NECAB2: variants seen among roughly 807,000 people sequenced by gnomAD.
NECAB2 encodes N-terminal EF-hand calcium binding protein 2.
In NECAB2, 68 loss-of-function variants were observed where a neutral mutation model predicts 51.9. That is an observed-to-expected ratio of 1.31 (90% confidence interval 1.08 to 1.60). The LOEUF (loss-of-function observed/expected upper bound fraction) is 1.60. NECAB2 is among the 40% of genes most tolerant of loss of function. The probability of loss-of-function intolerance (pLI) is 0.00; values close to 1 mark genes in which losing one functional copy is unlikely to be tolerated. For missense variants in NECAB2, 854 were observed against 490.3 expected (o/e 1.74, Z -7.00); for synonymous variants, 329 against 203.5 (o/e 1.62, Z -5.25).
At chr16:83,965,451 C>G (rs141102431), upstream of NECAB2, 3 of 1,597,702 alleles carry the variant, frequency 1.9e-6, no homozygotes, top group Admixed American at 1.7e-5. Context: ...ATCATTGGCG[C>G]GGGGCTGTCA....
chr16:83,987,749 T>C (rs2084574030), intron 5 of NECAB2, among the ~76,000 whole-genome samples: 1 of 152,234 alleles, frequency 6.6e-6, no homozygotes, highest in African/African-American at 2.4e-5. Flanking sequence ...AGTTAATACC[T>C]TGTGGCAAAC....
intron 12 of NECAB2, among the ~76,000 whole-genome samples, 181 bp downstream of exon 12, chr16:84,002,097 C>T (rs1490349091): frequency 1.3e-5 from 2 of 152,194 alleles, no homozygotes; most frequent in African/African-American, 4.8e-5. Context: ...GTATGCCTGC[C>T]AGAGCTTGCA....
At chr16:83,997,823 G>T (rs529269728) in intron 9 of NECAB2, among the ~76,000 whole-genome samples, 40 of 152,234 alleles carry the variant, frequency 2.6e-4, no homozygotes, top group African/African-American at 9.1e-4. Flanking sequence ...TCCAAAAAAG[G>T]TTTGGCATAG....
intron 9 of NECAB2, 41 bp downstream of exon 9, chr16:83,997,310 A>C (rs1322095327): frequency 3.1e-6 from 5 of 1,612,856 alleles, no homozygotes; most frequent in Non-Finnish European, 4.2e-6. Flanking sequence ...CCACATCCCT[A>C]CCCATGCCAG....
chr16:83,980,895 G>A, intron 4 of NECAB2, 31 bp downstream of exon 4: 3 of 1,613,518 alleles, frequency 1.9e-6, no homozygotes, highest in Non-Finnish European at 2.5e-6. Flanking sequence ...GGACCAAGAT[G>A]GGGATGCTGG....
chr16:83,990,671 C>A (rs367768960), intron 6 of NECAB2, 41 bp downstream of exon 6: 1 of 1,605,592 alleles, frequency 6.2e-7, no homozygotes, highest in Non-Finnish European at 8.5e-7. Context: ...GGGGGTATGC[C>A]GTGCACGCGC....
intron 4 of NECAB2, 48 bp downstream of exon 4, chr16:83,980,912 G>T: frequency 6.2e-7 from 1 of 1,613,156 alleles, no homozygotes; most frequent in Non-Finnish European, 8.5e-7. Context: ...CTGGGATGGG[G>T]CTGGATGAGA....
intron 11 of NECAB2, 41 bp downstream of exon 11, chr16:84,000,842 G>A: frequency 2.2e-6 from 3 of 1,394,052 alleles, no homozygotes; most frequent in Non-Finnish European, 2.0e-6. Context: ...GGAGACAGAG[G>A]GAAGTGGGGG....
At chr16:83,985,635 G>GA (rs879357467) in intron 5 of NECAB2, among the ~76,000 whole-genome samples, 2,378 of 125,436 alleles carry the variant, frequency 0.019, 55 homozygotes, top group African/African-American at 0.058. Context: ...CTCCATCTCA[G>GA]AAAAAAAAAA....
chr16:84,001,286 G>C (rs978012939), intron 11 of NECAB2, among the ~76,000 whole-genome samples: 1 of 152,086 alleles, frequency 6.6e-6, no homozygotes, highest in African/African-American at 2.4e-5. Context: ...ATCTGGGAGA[G>C]GGTGGAGACT....
intron 2 of NECAB2, among the ~76,000 whole-genome samples, chr16:83,975,284 G>A (rs968186108): frequency 8.4e-6 from 1 of 118,714 alleles, no homozygotes; most frequent in Non-Finnish European, 1.7e-5. Flanking sequence ...GCGGGGATGG[G>A]AACAGGTGTG....
intron 8 of NECAB2, among the ~76,000 whole-genome samples, chr16:83,994,978 G>A (rs2063895172): frequency 6.6e-6 from 1 of 152,222 alleles, no homozygotes; most frequent in Non-Finnish European, 1.5e-5. Context: ...GTGGTCAGCA[G>A]GGTCCCGTGT....
intron 5 of NECAB2, among the ~76,000 whole-genome samples, chr16:83,982,820 G>T (rs767111151): frequency 6.6e-6 from 1 of 151,858 alleles, no homozygotes; most frequent in Non-Finnish European, 1.5e-5. Context: ...GTGATGATAG[G>T]TTGTTGCATC....
intron 2 of NECAB2, among the ~76,000 whole-genome samples, chr16:83,976,764 C>A (rs116067729): frequency 0.019 from 2,962 of 152,230 alleles, 35 homozygotes; most frequent in African/African-American, 0.031. Context: ...CTTTACCGGT[C>A]TCTGATACTT....
intron 10 of NECAB2, 107 bp from the exon 11 acceptor site, chr16:84,000,617 G>A (rs1214194042): frequency 1.3e-6 from 1 of 797,950 alleles, no homozygotes. Flanking sequence ...AAACATTGAA[G>A]GCAGCCGTTG....
At chr16:83,994,200 A>C (rs1252570406) in intron 6 of NECAB2, 102 bp from the exon 7 acceptor site, 3 of 1,017,732 alleles carry the variant, frequency 2.9e-6, no homozygotes, top group South Asian at 1.4e-5. Flanking sequence ...TGCATGTGTG[A>C]GTCCACTGTC....
At chr16:83,965,402 A>T, upstream of NECAB2, 1 of 1,576,338 alleles carries the variant, frequency 6.3e-7, no homozygotes, top group East Asian at 2.2e-5. Context: ...GGCCGCCACA[A>T]GGGTGGGTGC....
At chr16:84,001,510 G>A (rs534781979) in intron 11 of NECAB2, among the ~76,000 whole-genome samples, 182 of 152,216 alleles carry the variant, frequency 1.2e-3, no homozygotes, top group African/African-American at 4.1e-3. Flanking sequence ...CAGCTTCTGT[G>A]TTGTCATGGG....
intron 5 of NECAB2, among the ~76,000 whole-genome samples, chr16:83,982,424 T>C (rs1249643551): frequency 6.6e-6 from 1 of 152,154 alleles, no homozygotes; most frequent in African/African-American, 2.4e-5. Flanking sequence ...TCCCCAAGTA[T>C]CAAGGTATAG....
Sources: allele counts gnomAD v4.1 joint callset (sites outside exome capture counted in the v4.1 genomes callset), GRCh38; gene constraint gnomAD v4.1.1; transcripts MANE v1.5; gene names NCBI Gene and HGNC (gene_info 2026-07-23, HGNC 2026-07-21).